Variants in DPYD observed in about 807,000 individuals in gnomAD.
DPYD encodes dihydropyrimidine dehydrogenase [NADP(+)].
In DPYD, 109 loss-of-function variants were observed where a neutral mutation model predicts 116.2. The observed-to-expected ratio is 0.94, with a 90% CI of 0.80 to 1.10. The LOEUF (loss-of-function observed/expected upper bound fraction) is 1.10. Among genes scored for constraint, DPYD ranks in the 50% least tolerant of loss-of-function variants. The probability of loss-of-function intolerance (pLI) is 0.00; values close to 1 mark genes in which losing one functional copy is unlikely to be tolerated. For synonymous variants in DPYD, 440 were observed against 432.0 expected, an observed-to-expected ratio of 1.02 and a Z score of -0.23; for missense variants, 1,302 against 1,254.5, an observed-to-expected ratio of 1.04 and a Z score of -0.57.
intron 2 of DPYD, among the ~76,000 whole-genome samples, chr1:97,843,178 C>A (rs1421979951): frequency 1.3e-5 from 2 of 152,056 alleles, no homozygotes; most frequent in East Asian, 3.9e-4. Context: ...GTCTCAATTT[C>A]CCTTCTTATT....
intron 3 of DPYD, among the ~76,000 whole-genome samples, chr1:97,818,164 A>G (rs1441277410): frequency 1.3e-5 from 2 of 152,046 alleles, no homozygotes; most frequent in Non-Finnish European, 2.9e-5. Context: ...TCAATGGTAC[A>G]TATTTCTTTT....
intron 14 of DPYD, among the ~76,000 whole-genome samples, chr1:97,419,688 T>C (rs1674477195): frequency 1.3e-5 from 2 of 152,144 alleles, no homozygotes; most frequent in African/African-American, 4.8e-5. Flanking sequence ...AAAAAGATAA[T>C]ATTAAGCATA....
intron 1 of DPYD, among the ~76,000 whole-genome samples, chr1:97,887,469 T>TAAAAAAAAAAAAAAAAAAAAAAAAAAAAA (rs57316508): frequency 6.4e-5 from 3 of 47,140 alleles, no homozygotes; most frequent in African/African-American, 8.4e-5. Flanking sequence ...GACTCTGCAT[T>TAAAAAAAAAAAAAAAAAAAAAAAAAAAAA]AAAAAAAAAA....
intron 19 of DPYD, among the ~76,000 whole-genome samples, chr1:97,210,213 C>T (rs1407102639): frequency 1.3e-5 from 2 of 152,094 alleles, no homozygotes; most frequent in African/African-American, 4.8e-5. Flanking sequence ...ATTGGATGAG[C>T]ATGTGTTTAA....
chr1:97,118,772 G>C (rs1034281727), intron 20 of DPYD, among the ~76,000 whole-genome samples: 4 of 152,064 alleles, frequency 2.6e-5, no homozygotes, highest in African/African-American at 7.2e-5. Context: ...GAACCAAATG[G>C]AAGAAAAATA....
At chr1:97,197,171 G>T (rs1025309438) in intron 19 of DPYD, among the ~76,000 whole-genome samples, 7 of 152,250 alleles carry the variant, frequency 4.6e-5, no homozygotes, top group Middle Eastern at 6.8e-3. Context: ...TGTTTCTCAG[G>T]AGGAACAATT....
At chr1:97,528,251 C>T (rs563782468) in intron 12 of DPYD, among the ~76,000 whole-genome samples, 1 of 152,218 alleles carries the variant, frequency 6.6e-6, no homozygotes, top group African/African-American at 2.4e-5. Flanking sequence ...TTTCATTCTC[C>T]ATTTTGAGAA....
chr1:97,451,512 AT>A (rs1461457385), intron 13 of DPYD, among the ~76,000 whole-genome samples: 1 of 152,136 alleles, frequency 6.6e-6, no homozygotes, highest in East Asian at 1.9e-4. Flanking sequence ...ATGCCAGTTA[AT>A]TTTTTACTAA....
intron 18 of DPYD, among the ~76,000 whole-genome samples, chr1:97,296,357 T>C (rs1227339394): frequency 6.6e-6 from 1 of 152,098 alleles, no homozygotes; most frequent in Non-Finnish European, 1.5e-5. Context: ...AATATTTAGG[T>C]AAAATGACTA....
At chr1:97,753,544 T>C (rs1165605282) in intron 3 of DPYD, among the ~76,000 whole-genome samples, 1 of 152,138 alleles carries the variant, frequency 6.6e-6, no homozygotes, top group Non-Finnish European at 1.5e-5. Flanking sequence ...GAAAGTTTCC[T>C]GAAATAACAC....
intron 19 of DPYD, among the ~76,000 whole-genome samples, chr1:97,231,842 C>A (rs1361624024): frequency 2.0e-5 from 3 of 152,168 alleles, no homozygotes; most frequent in Non-Finnish European, 4.4e-5. Context: ...GTGTGACTTG[C>A]CCATGGTCAC....
intron 16 of DPYD, among the ~76,000 whole-genome samples, chr1:97,339,914 G>A (rs774585429): frequency 7.9e-5 from 12 of 152,118 alleles, no homozygotes; most frequent in Non-Finnish European, 2.9e-5. Flanking sequence ...AGGTAGAAAG[G>A]AGTTTAAAAG....
chr1:97,764,409 T>A (rs1440059234), intron 3 of DPYD, among the ~76,000 whole-genome samples: 1 of 152,110 alleles, frequency 6.6e-6, no homozygotes, highest in African/African-American at 2.4e-5. Context: ...AAAGGAGATC[T>A]GTATTTAGAT....
At chr1:97,868,990 T>G (rs1671531003) in intron 2 of DPYD, among the ~76,000 whole-genome samples, 1 of 151,826 alleles carries the variant, frequency 6.6e-6, no homozygotes, top group African/African-American at 2.4e-5. Flanking sequence ...ATGAGAAACC[T>G]GCGCAGCTTC....
At chr1:97,838,813 CCGCAG>C (rs1370328242) in intron 2 of DPYD, among the ~76,000 whole-genome samples, 1 of 152,032 alleles carries the variant, frequency 6.6e-6, no homozygotes, top group East Asian at 1.9e-4. Context: ...CCACTGCAGT[CCGCAG>C]TCCGGCCTGG....
At chr1:97,317,004 C>T (rs776854583) in intron 16 of DPYD, among the ~76,000 whole-genome samples, 1 of 151,832 alleles carries the variant, frequency 6.6e-6, no homozygotes, top group Non-Finnish European at 1.5e-5. Context: ...AAACAAAAAA[C>T]TCTTCGAGAG....
chr1:97,424,568 C>G (rs573768185), intron 14 of DPYD, among the ~76,000 whole-genome samples: 4 of 152,150 alleles, frequency 2.6e-5, no homozygotes, highest in African/African-American at 9.6e-5. Flanking sequence ...TGCTATGTGT[C>G]TTTATCATTT....
At chr1:97,400,662 C>G (rs1427304896) in intron 14 of DPYD, among the ~76,000 whole-genome samples, 1 of 152,072 alleles carries the variant, frequency 6.6e-6, no homozygotes, top group African/African-American at 2.4e-5. Context: ...TCAACTTCTT[C>G]CTGGTTTAGT....
At chr1:97,481,043 T>G (rs1678266738) in intron 13 of DPYD, among the ~76,000 whole-genome samples, 1 of 152,078 alleles carries the variant, frequency 6.6e-6, no homozygotes, top group African/African-American at 2.4e-5. Context: ...AAAAACTGAT[T>G]TGTTAAAGAT....
Sources: gnomAD v4.1 joint callset for allele counts (sites outside exome capture counted in the v4.1 genomes callset) on GRCh38, gnomAD v4.1.1 for gene constraint, MANE v1.5 for transcripts, NCBI Gene and HGNC (gene_info 2026-07-23, HGNC 2026-07-21) for gene names.